PRKAG2: variants seen among roughly 807,000 people sequenced by gnomAD.
PRKAG2 encodes the protein 5'-AMP-activated protein kinase subunit gamma-2.
In PRKAG2, 26 loss-of-function variants were observed where a neutral mutation model predicts 69.6. That is an observed-to-expected ratio of 0.37 (90% CI 0.27 to 0.52). PRKAG2 has a LOEUF of 0.52. Among genes scored for constraint, PRKAG2 ranks in the 20% least tolerant of loss-of-function variants. The pLI, the probability that PRKAG2 is intolerant of heterozygous loss-of-function variation, is 0.90. For missense variants in PRKAG2, 557 were observed against 740.0 expected (o/e 0.75, Z 2.87); for synonymous variants, 293 against 285.0 (o/e 1.03, Z -0.28).
At chr7:151,620,918 T>A (rs996001390) in intron 5 of PRKAG2, among the ~76,000 whole-genome samples, 1 of 151,488 alleles carries the variant, frequency 6.6e-6, no homozygotes, top group African/African-American at 2.4e-5. Context: ...GATTACCCGA[T>A]CCACCCATCT....
chr7:151,585,378 G>A (rs1379533927), intron 6 of PRKAG2, among the ~76,000 whole-genome samples: 1 of 152,174 alleles, frequency 6.6e-6, no homozygotes, highest in Non-Finnish European at 1.5e-5. Flanking sequence ...GTAAGGCACA[G>A]GAGCAAGAGA....
chr7:151,694,776 C>T (rs551661311), intron 3 of PRKAG2, among the ~76,000 whole-genome samples: 8 of 152,246 alleles, frequency 5.3e-5, no homozygotes, highest in Non-Finnish European at 1.2e-4. Flanking sequence ...CTGCAGCTTC[C>T]CTTTCCTGTG....
rs1012773800 is a variant in PRKAG2 at position 151,828,796 on chromosome 7, G to T, written c.115-42255C>A. 6.6e-6 allele frequency among the ~76,000 whole-genome samples: 1 copy of T among 152,046 alleles called. No homozygotes were observed. The highest frequency in any genetic ancestry group is 1.5e-5 in the Non-Finnish European group (1 of 68,002). On this transcript the variant is annotated intron_variant, in intron 1 of 15. Transcript: ENST00000287878. This position sits in a 1 kb window ranked among gnomAD's most constrained non-coding sequence, Gnocchi z 4.6. The stretch of plus-strand genomic sequence containing the variant: ...ACTTTAAAAGTCAGTGGGGCATGGT[G>T]GCTACTGAGGAGGCTGAGGTGGAAG...
intron 1 of PRKAG2, among the ~76,000 whole-genome samples, chr7:151,798,400 C>T (rs1314244010): frequency 2.6e-5 from 4 of 152,066 alleles, no homozygotes; most frequent in South Asian, 2.1e-4. Flanking sequence ...CTTCAACCTC[C>T]GCCTCCCGGG....
At chr7:151,674,309 T>C (rs1039267773) in intron 4 of PRKAG2, among the ~76,000 whole-genome samples, 1 of 152,238 alleles carries the variant, frequency 6.6e-6, no homozygotes, top group Non-Finnish European at 1.5e-5. Context: ...TGCCAACACC[T>C]TGACTTTGGA....
intron 3 of PRKAG2, among the ~76,000 whole-genome samples, chr7:151,772,791 G>A (rs2076080845): frequency 6.6e-6 from 1 of 151,684 alleles, no homozygotes; most frequent in Non-Finnish European, 1.5e-5. Context: ...CTTGAGACTA[G>A]CCTGGGCAAT....
chr7:151,695,836 C>T (rs767484452), intron 3 of PRKAG2, among the ~76,000 whole-genome samples: 1 of 152,110 alleles, frequency 6.6e-6, no homozygotes, highest in Non-Finnish European at 1.5e-5. Context: ...GCCTACAGAC[C>T]TTTGAACTAA....
At chr7:151,575,119 A>G (rs1359540766) in intron 7 of PRKAG2, among the ~76,000 whole-genome samples, 170 bp from the exon 8 acceptor site, 1 of 152,220 alleles carries the variant, frequency 6.6e-6, no homozygotes, top group Non-Finnish European at 1.5e-5. Context: ...AATTGTGTAT[A>G]CCAAACTGGA....
chr7:151,599,890 C>T (rs747973325), intron 5 of PRKAG2, among the ~76,000 whole-genome samples: 39 of 152,332 alleles, frequency 2.6e-4, no homozygotes, highest in Non-Finnish European at 5.1e-4. Flanking sequence ...TTGTATTAAA[C>T]ACTCCTGCTC....
intron 1 of PRKAG2, among the ~76,000 whole-genome samples, chr7:151,800,577 T>A (rs1429359298): frequency 6.6e-6 from 1 of 151,976 alleles, no homozygotes; most frequent in Admixed American, 6.6e-5. Context: ...ACCTGGTGGG[T>A]ACAGCCTGTG....
intron 5 of PRKAG2, among the ~76,000 whole-genome samples, chr7:151,623,784 T>C (rs1237023540): frequency 2.0e-5 from 3 of 152,090 alleles, no homozygotes; most frequent in Non-Finnish European, 4.4e-5. Flanking sequence ...TGGCTCTAAT[T>C]ACACATGCAT....
chr7:151,704,856 C>T (rs191844806), intron 3 of PRKAG2, among the ~76,000 whole-genome samples: 33 of 152,280 alleles, frequency 2.2e-4, no homozygotes, highest in Admixed American at 1.8e-3. Context: ...GGCTGCTCAG[C>T]GGTGCGGCAG....
rs561343013 is a variant in PRKAG2 at position 151,569,272 on chromosome 7, C to T, written c.1107-430G>A. 1.1e-4 allele frequency among the ~76,000 whole-genome samples: 16 copies of T among 152,354 alleles called. No homozygotes were observed. The East Asian group carries it at 2.9e-3, about 28-fold the overall frequency. On this transcript the variant is annotated intron_variant, in intron 10 of 15. Transcript: ENST00000287878. ...CTGCTCTCGAACTCCTGAGCTTAAGCGATCCACCCACCATGGCCTCCCATA... is the reference window on the plus strand; with the variant it reads ...CTGCTCTCGAACTCCTGAGCTTAAGTGATCCACCCACCATGGCCTCCCATA...
At chr7:151,789,598 A>T (rs2151821642) in intron 1 of PRKAG2, among the ~76,000 whole-genome samples, 1 of 152,318 alleles carries the variant, frequency 6.6e-6, no homozygotes, top group Admixed American at 6.5e-5. Context: ...CACCTCAGCA[A>T]TGGCTTCCAG....
At chr7:151,732,392 G>A (rs1475109292) in intron 3 of PRKAG2, among the ~76,000 whole-genome samples, 5 of 151,800 alleles carry the variant, frequency 3.3e-5, no homozygotes, top group South Asian at 2.1e-4. Context: ...ACGTACCTCC[G>A]CCTCCCAAAG....
intron 1 of PRKAG2, among the ~76,000 whole-genome samples, chr7:151,857,041 C>A (rs1010107663): frequency 6.6e-6 from 1 of 150,898 alleles, no homozygotes; most frequent in Non-Finnish European, 1.5e-5. Flanking sequence ...GAGACACTAA[C>A]CAGTGTAATT....
At chr7:151,673,830 CT>C (rs1832449680) in intron 4 of PRKAG2, among the ~76,000 whole-genome samples, 1 of 138,702 alleles carries the variant, frequency 7.2e-6, no homozygotes, top group Non-Finnish European at 1.5e-5. Flanking sequence ...TCCAATGTAG[CT>C]TGTGTTCTTT....
chr7:151,559,226 A>G (rs1804407434), intron 15 of PRKAG2: 1 of 968,668 alleles, frequency 1.0e-6, no homozygotes, highest in African/African-American at 1.8e-5. Context: ...ATGCAGCTGT[A>G]CTGTTCGTTT....
chr7:151,810,574 G>C (rs904242403), intron 1 of PRKAG2: 2 of 152,584 alleles, frequency 1.3e-5, no homozygotes, highest in African/African-American at 4.8e-5. Flanking sequence ...TGCCACCCCC[G>C]CAACACAGTA....
Sources: gnomAD v4.1 joint callset for allele counts (sites outside exome capture counted in the v4.1 genomes callset) on GRCh38, gnomAD v4.1.1 for gene constraint, Gnocchi (gnomAD v3.1) non-coding constraint, MANE v1.5 for transcripts, NCBI Gene and HGNC (gene_info 2026-07-23, HGNC 2026-07-21) for gene names.